SMIM35: variants seen among roughly 807,000 people sequenced by gnomAD.
SMIM35 encodes the protein TMPRSS4 antisense RNA 1 (non-protein coding).
intron 1 of SMIM35, among the ~76,000 whole-genome samples, chr11:118,063,488 C>G (rs1944423697): frequency 6.6e-6 from 1 of 152,150 alleles, no homozygotes; most frequent in African/African-American, 2.4e-5. Flanking sequence ...GTCCTCAGCC[C>G]CATTTCCTGG....
At chr11:118,048,693 T>A (rs1005790427) in intron 1 of SMIM35, among the ~76,000 whole-genome samples, 1 of 151,038 alleles carries the variant, frequency 6.6e-6, no homozygotes, top group Non-Finnish European at 1.5e-5. Context: ...TCAGGAATGA[T>A]GCAAAAGTCA....
At chr11:118,016,889 T>C (rs1185470460) in intron 1 of SMIM35, among the ~76,000 whole-genome samples, 6 of 152,220 alleles carry the variant, frequency 3.9e-5, no homozygotes, top group Admixed American at 3.3e-4. Context: ...TATTATCAAA[T>C]GGTGCAACTG....
Position 118,042,231 on chromosome 11 carries a change from A to G in SMIM35, c.8-26422T>C, listed in dbSNP as rs559570620. On this transcript the variant is annotated intron_variant, in intron 1 of 4. Coordinates refer to ENST00000689828, the MANE Select transcript of SMIM35 (RefSeq NM_001394165.1). ...AACTGACAAACCTTTAGCTAAGTTA[A>G]CCAAGAAAAAAAAAGACTCAAATTA... Among the ~76,000 whole-genome samples, 5 of 152,196 alleles carry G rather than the reference A, an allele frequency of 3.3e-5. No individual in the cohort carries two copies. The South Asian group carries it at 8.3e-4, about 25-fold the overall frequency.
At chr11:118,063,860 G>T (rs1441682614) in intron 1 of SMIM35, among the ~76,000 whole-genome samples, 1 of 152,212 alleles carries the variant, frequency 6.6e-6, no homozygotes, top group Non-Finnish European at 1.5e-5. Flanking sequence ...CTCACCCTAC[G>T]TATCTCTTCT....
At chr11:118,041,637 C>T (rs1348722635) in intron 1 of SMIM35, among the ~76,000 whole-genome samples, 2 of 152,012 alleles carry the variant, frequency 1.3e-5, no homozygotes, top group Non-Finnish European at 2.9e-5. Context: ...CCCGGTACAC[C>T]AAAACTTGTG....
chr11:118,060,433 T>C (rs1008703908), intron 1 of SMIM35, among the ~76,000 whole-genome samples: 2 of 152,246 alleles, frequency 1.3e-5, no homozygotes, highest in African/African-American at 4.8e-5. Flanking sequence ...TCTACTGGCA[T>C]CGGAAGGCAT....
At chr11:118,051,286 G>T (rs1019396596) in intron 1 of SMIM35, among the ~76,000 whole-genome samples, 1 of 152,144 alleles carries the variant, frequency 6.6e-6, no homozygotes. Flanking sequence ...CACACAGCTT[G>T]CTCACCCACC....
chr11:118,017,244 C>A (rs1366097827), intron 1 of SMIM35, among the ~76,000 whole-genome samples: 1 of 152,188 alleles, frequency 6.6e-6, no homozygotes, highest in Non-Finnish European at 1.5e-5. Context: ...TTGTTCCCTG[C>A]TCCAAAGTCG....
rs192750514 is a variant in SMIM35, at chr11:118,027,252, C to G, written c.8-11443G>C. ...CCTTGTTAGCCAGGATGGTCTCGAT[C>G]TCCTGACCTCATGATCCACCCGCCT... is the stretch of plus-strand genomic sequence containing the variant. On this transcript the variant is annotated intron_variant, in intron 1 of 4. Coordinates refer to ENST00000689828, the MANE Select transcript of SMIM35 (RefSeq NM_001394165.1). Among the ~76,000 whole-genome samples, 733 of 150,322 alleles carry G rather than the reference C, an allele frequency of 4.9e-3. 9 individuals carry two copies. The highest frequency in any genetic ancestry group is 0.015 in the African/African-American group (609 of 40,678).
chr11:118,041,020 A>G (rs539729748), intron 1 of SMIM35, among the ~76,000 whole-genome samples: 2 of 152,084 alleles, frequency 1.3e-5, no homozygotes, highest in South Asian at 4.1e-4. Flanking sequence ...GACTAGAGCT[A>G]CATAGGAGTA....
At chr11:118,032,733 C>T (rs1430237116) in intron 1 of SMIM35, among the ~76,000 whole-genome samples, 1 of 152,054 alleles carries the variant, frequency 6.6e-6, no homozygotes, top group Non-Finnish European at 1.5e-5. Flanking sequence ...ATGGTGAAAC[C>T]CCGTCTCTAC....
chr11:118,085,412 A>G (rs938822542), intron 1 of SMIM35, among the ~76,000 whole-genome samples: 8 of 151,816 alleles, frequency 5.3e-5, no homozygotes, highest in Admixed American at 3.3e-4. Context: ...TTTAGTAGAG[A>G]TGGGGTTTCA....
rs1442992256 is a variant in SMIM35, at chr11:118,027,188, C to T, written c.8-11379G>A. Reference sequence around the variant, plus strand: ...GACTACAGGCGCCCGCCACTGCGCCCGGCTAATTTTTTGTATTTTCAGTAG... The same window carrying T: ...GACTACAGGCGCCCGCCACTGCGCCTGGCTAATTTTTTGTATTTTCAGTAG... On this transcript the variant is annotated intron_variant, in intron 1 of 4. Transcript: ENST00000689828. Among the ~76,000 whole-genome samples, 15 of 143,340 alleles carry T rather than the reference C, an allele frequency of 1.0e-4. 1 individual carries two copies. Among genetic ancestry groups the T allele is most frequent in the African/African-American group, 3.7e-4 (14 of 37,688 alleles). 94.0% of individuals were successfully genotyped at this position (143,340 alleles called of 152,430 possible).
At chr11:118,070,083 C>T (rs928965547) in intron 1 of SMIM35, among the ~76,000 whole-genome samples, 3 of 152,188 alleles carry the variant, frequency 2.0e-5, no homozygotes, top group African/African-American at 4.8e-5. Context: ...GCACGGAGGT[C>T]ATTCCAAGTA....
chr11:118,056,133 G>A (rs1944305727), intron 1 of SMIM35, among the ~76,000 whole-genome samples: 1 of 152,138 alleles, frequency 6.6e-6, no homozygotes, highest in Non-Finnish European at 1.5e-5. Context: ...GGCAGGTCAT[G>A]GAGGTCTTGC....
chr11:118,071,113 G>T (rs750626730), intron 1 of SMIM35, among the ~76,000 whole-genome samples: 1 of 152,198 alleles, frequency 6.6e-6, no homozygotes, highest in African/African-American at 2.4e-5. Flanking sequence ...TTTCCTTACC[G>T]TGTGTGGCTT....
intron 1 of SMIM35, among the ~76,000 whole-genome samples, chr11:118,021,060 C>CTTTTTTTTTTTTT (rs1591279274): frequency 8.8e-5 from 11 of 125,494 alleles, no homozygotes; most frequent in South Asian, 2.7e-4. Context: ...TTTTTTTTTA[C>CTTTTTTTTTTTTT]TATTTATTAA....
At chr11:118,023,233 G>A (rs566334934) in intron 1 of SMIM35, among the ~76,000 whole-genome samples, 1 of 152,124 alleles carries the variant, frequency 6.6e-6, no homozygotes, top group African/African-American at 2.4e-5. Context: ...TCACTCATCA[G>A]TCTGAGGCCT....
intron 1 of SMIM35, among the ~76,000 whole-genome samples, chr11:118,064,201 C>T (rs1463417095): frequency 6.6e-6 from 1 of 152,210 alleles, no homozygotes; most frequent in East Asian, 1.9e-4. Context: ...AAGTCTATTG[C>T]GTTGATGATT....
Sources: gnomAD v4.1 joint callset for allele counts (sites outside exome capture counted in the v4.1 genomes callset) on GRCh38, gnomAD v4.1.1 for gene constraint, MANE v1.5 for transcripts, NCBI Gene and HGNC (gene_info 2026-07-23, HGNC 2026-07-21) for gene names.